BEND7: variants seen among roughly 807,000 people sequenced by gnomAD.
BEND7 encodes BEN domain containing 7.
A neutral mutation model predicts 50.9 loss-of-function variants in BEND7; 28 were observed. The ratio of observed to expected loss-of-function variants is 0.55; its 90% confidence interval spans 0.41 to 0.75. The LOEUF (loss-of-function observed/expected upper bound fraction) is 0.75. BEND7 is among the 30% of genes least tolerant of loss of function. BEND7 has a pLI of 0.00. For synonymous variants in BEND7, 170 were observed against 183.9 expected, an observed-to-expected ratio of 0.92 and a Z score of 0.61; for missense variants, 477 against 491.3, an observed-to-expected ratio of 0.97 and a Z score of 0.28.
At chr10:13,456,072 C>T (rs1336595728) in intron 6 of BEND7, among the ~76,000 whole-genome samples, 3 of 152,068 alleles carry the variant, frequency 2.0e-5, no homozygotes, top group East Asian at 1.9e-4. Context: ...GATATAAGCC[C>T]GTGAAGATGC....
In BEND7 at chr10:13,465,483, C is replaced by G. The variant is rs1016538417; in HGVS notation, c.1064-12825G>C. Among the ~76,000 whole-genome samples, 9 of 152,278 alleles carry G rather than the reference C, an allele frequency of 5.9e-5. 1 individual carries two copies. Among genetic ancestry groups the G allele is most frequent in the African/African-American group, 9.6e-5 (4 of 41,564 alleles). The stretch of plus-strand genomic sequence containing the variant: ...AAGCTGGCCGTGAGGACCATCTCAT[C>G]TTCGTGCTGACTGCTACTCTATGGG... On this transcript the variant is annotated intron_variant, in intron 6 of 8. Coordinates refer to ENST00000466271, the MANE Select transcript of BEND7 (RefSeq NM_001369863.1).
chr10:13,456,591 T>C (rs1432053500), intron 6 of BEND7, among the ~76,000 whole-genome samples: 2 of 152,102 alleles, frequency 1.3e-5, no homozygotes, highest in African/African-American at 4.8e-5. Flanking sequence ...ATGTATGATA[T>C]GGGCGGGGGC....
chr10:13,481,673 AAAACTTTT>A (rs2075871797), intron 5 of BEND7, among the ~76,000 whole-genome samples: 1 of 152,212 alleles, frequency 6.6e-6, no homozygotes, highest in African/African-American at 2.4e-5. Flanking sequence ...TTCCCCAATG[AAAACTTTT>A]GTAAACTAAT....
At chr10:13,498,452 T>A (rs926930040) in intron 3 of BEND7, among the ~76,000 whole-genome samples, 2 of 152,204 alleles carry the variant, frequency 1.3e-5, no homozygotes, top group Admixed American at 1.3e-4. Flanking sequence ...TTTTACTAAC[T>A]TCATACTTTT....
intron 6 of BEND7, among the ~76,000 whole-genome samples, chr10:13,458,641 C>T (rs144726974): frequency 3.9e-5 from 6 of 152,326 alleles, no homozygotes; most frequent in African/African-American, 1.4e-4. Flanking sequence ...GTTTACAGCA[C>T]GCAGAACTGA....
downstream of BEND7, among the ~76,000 whole-genome samples, chr10:13,440,746 T>A (rs535234726): frequency 2.8e-3 from 428 of 152,378 alleles, no homozygotes; most frequent in Middle Eastern, 6.8e-3. Flanking sequence ...ATGTGTTGTT[T>A]CCATAGAAGC....
intron 5 of BEND7, 21 bp from the exon 6 acceptor site, chr10:13,481,145 T>C: frequency 6.2e-7 from 1 of 1,609,530 alleles, no homozygotes; most frequent in Non-Finnish European, 8.5e-7. Flanking sequence ...AACACAGATA[T>C]TTCATTAAAA....
rs376749569 is a variant in BEND7 at position 13,464,044 on chromosome 10, G to A, written c.1064-11386C>T. The stretch of plus-strand genomic sequence containing the variant: ...TAACAAGAGATCTTGGCAAGAATGC[G>A]GGAAAGTGGGATTTCTTCTACCTTG... On this transcript the variant is annotated intron_variant, in intron 6 of 8. Transcript: ENST00000466271. Among the ~76,000 whole-genome samples, 9 of 152,350 alleles carry A rather than the reference G, an allele frequency of 5.9e-5. No homozygotes were observed. In the East Asian group the frequency reaches 7.7e-4, roughly 13 times the overall value.
intron 6 of BEND7, among the ~76,000 whole-genome samples, chr10:13,475,579 T>C (rs1347173516): frequency 6.6e-6 from 1 of 152,212 alleles, no homozygotes; most frequent in Non-Finnish European, 1.5e-5. Context: ...AGACCTGCCC[T>C]GACACTAGTA....
At chr10:13,482,980 G>A (rs1341094525) in intron 5 of BEND7, among the ~76,000 whole-genome samples, 1 of 152,122 alleles carries the variant, frequency 6.6e-6, no homozygotes, top group Admixed American at 6.5e-5. Context: ...CACATCCTAT[G>A]CTGCATTTAG....
At chr10:13,440,974 T>A, downstream of BEND7, 1 of 528,298 alleles carries the variant, frequency 1.9e-6, no homozygotes, top group Non-Finnish European at 2.4e-6. Context: ...TCAGGAGATA[T>A]AACTTCTGTG....
At chr10:13,503,308 G>A (rs1419409815) in intron 2 of BEND7, among the ~76,000 whole-genome samples, 5 of 152,176 alleles carry the variant, frequency 3.3e-5, no homozygotes, top group African/African-American at 1.2e-4. Flanking sequence ...GGGGGACTGA[G>A]GAGGAAGAAA....
intron 2 of BEND7, among the ~76,000 whole-genome samples, chr10:13,524,569 G>T (rs1382230736): frequency 6.7e-6 from 1 of 150,036 alleles, no homozygotes; most frequent in African/African-American, 2.5e-5. Context: ...GCCTGAACCT[G>T]GGAGGCAGGG....
chr10:13,492,664 C>T lies in BEND7; in HGVS notation c.784G>A (p.Glu262Lys). The T allele has an allele frequency of 6.2e-7, 1 of 1,614,138 alleles. No individual in the cohort carries two copies. Among genetic ancestry groups the T allele is most frequent in the Non-Finnish European group, 8.5e-7 (1 of 1,180,032 alleles). ...CCGAATCCTAGAACGCGGCTCTCCT[C>T]CGGGGAGGTGTGCTCGGCTGCCTGG... ...ALQAAEHTSPEESRVLGFGIV... is the reference protein window; with the variant it reads ...ALQAAEHTSPKESRVLGFGIV... The change falls in exon 5 of 9, where the codon GAG becomes AAG. Residue 262 changes from glutamate to lysine, a missense_variant. This residue lies in a region of BEND7 where 396 missense variants were observed against 384.2 expected (regional missense o/e 1.03). Coordinates refer to ENST00000466271, the MANE Select transcript of BEND7 (RefSeq NM_001369863.1).
At chr10:13,527,406 T>C (rs1431081013) in intron 1 of BEND7, among the ~76,000 whole-genome samples, 1 of 152,232 alleles carries the variant, frequency 6.6e-6, no homozygotes, top group Non-Finnish European at 1.5e-5. Context: ...TTAGCTAGCT[T>C]AGCTCAGTTT....
At position 13,490,008 on chromosome 10, in the gene BEND7, G is replaced by T. The variant is rs148155340; in HGVS notation, c.837+2603C>A. 1.8e-3 allele frequency among the ~76,000 whole-genome samples: 271 copies of T among 152,260 alleles called. 8 individuals are homozygous for T. In the South Asian group the frequency reaches 0.038, roughly 22 times the overall value. ...ATGCTCACAACACTCTGCCATTTTTGACATTTTGGTTGGTTCTGATTAGAA... is the reference window on the plus strand; with the variant it reads ...ATGCTCACAACACTCTGCCATTTTTTACATTTTGGTTGGTTCTGATTAGAA... On this transcript the variant is annotated intron_variant, in intron 5 of 8. Transcript: ENST00000466271.
At chr10:13,514,132 G>A (rs954958704) in intron 2 of BEND7, among the ~76,000 whole-genome samples, 1 of 152,082 alleles carries the variant, frequency 6.6e-6, no homozygotes, top group Admixed American at 6.5e-5. Flanking sequence ...CCCCAGGCCT[G>A]GGAGGGCTCC....
intron 1 of BEND7, among the ~76,000 whole-genome samples, chr10:13,528,033 T>C (rs1224033632): frequency 6.6e-6 from 1 of 152,142 alleles, no homozygotes; most frequent in African/African-American, 2.4e-5. Context: ...TCTTTCTCCT[T>C]CTTAAAAAGA....
At chr10:13,502,713 C>T (rs2077567973) in intron 2 of BEND7, 1 of 157,492 alleles carries the variant, frequency 6.3e-6, no homozygotes, top group Non-Finnish European at 1.4e-5. Context: ...GGTTTCCACC[C>T]ACAGCCCTCC....
Sources: allele counts gnomAD v4.1 joint callset (sites outside exome capture counted in the v4.1 genomes callset), GRCh38; gene constraint gnomAD v4.1.1; regional missense constraint gnomAD v4.1.1; transcripts MANE v1.5; gene names NCBI Gene and HGNC (gene_info 2026-07-23, HGNC 2026-07-21).